The following CDH13 variants were observed in gnomAD, a reference collection of about 807,000 sequenced individuals.
CDH13 encodes the protein cadherin-13.
CDH13 carries 24 observed loss-of-function variants against 63.8 expected under a neutral mutation model. That is an observed-to-expected ratio of 0.38 (90% CI 0.27 to 0.53). CDH13 has a LOEUF of 0.53. CDH13 is among the 20% of genes least tolerant of loss of function. The probability of loss-of-function intolerance (pLI) is 0.85; values close to 1 mark genes in which losing one functional copy is unlikely to be tolerated. For missense variants in CDH13, 1,049 were observed against 903.1 expected (o/e 1.16, Z -2.07); for synonymous variants, 503 against 355.3 (o/e 1.42, Z -4.67).
At chr16:83,342,121 C>T (rs1434333526) in intron 5 of CDH13, among the ~76,000 whole-genome samples, 1 of 152,044 alleles carries the variant, frequency 6.6e-6, no homozygotes, top group Non-Finnish European at 1.5e-5. Context: ...GGCTACTGAG[C>T]ACTCAAAACG....
chr16:82,756,668 G>T (rs2034622394), intron 1 of CDH13, among the ~76,000 whole-genome samples: 1 of 152,122 alleles, frequency 6.6e-6, no homozygotes, highest in Non-Finnish European at 1.5e-5. Flanking sequence ...GCTACTATTA[G>T]CATTTCTCCT....
intron 4 of CDH13, among the ~76,000 whole-genome samples, chr16:83,150,895 G>T (rs1254662807): frequency 1.3e-5 from 2 of 152,110 alleles, no homozygotes; most frequent in African/African-American, 4.8e-5. Context: ...TGTCATTGTA[G>T]CACTTAGATG....
At chr16:83,500,145 G>A (rs1029646575) in intron 7 of CDH13, among the ~76,000 whole-genome samples, 2 of 151,520 alleles carry the variant, frequency 1.3e-5, no homozygotes, top group Non-Finnish European at 1.5e-5. Flanking sequence ...ATCAGTGGTC[G>A]TAAGGCAAGA....
chr16:82,729,275 G>T (rs117417812), intron 1 of CDH13, among the ~76,000 whole-genome samples: 1 of 152,064 alleles, frequency 6.6e-6, no homozygotes, highest in Non-Finnish European at 1.5e-5. Context: ...ACTTTGCCCC[G>T]ATCCATCAGA....
intron 1 of CDH13, among the ~76,000 whole-genome samples, chr16:82,804,312 C>CACATGCACACACACACACAT (rs58046063): frequency 2.0e-5 from 3 of 148,268 alleles, no homozygotes; most frequent in African/African-American, 5.0e-5. Context: ...CACACACACA[C>CACATGCACACACACACACAT]GCACACACAT....
At chr16:83,423,442 T>G (rs1248553857) in intron 6 of CDH13, among the ~76,000 whole-genome samples, 1 of 152,120 alleles carries the variant, frequency 6.6e-6, no homozygotes, top group African/African-American at 2.4e-5. Context: ...CAGGAATCCT[T>G]GATCTCGCAT....
intron 6 of CDH13, among the ~76,000 whole-genome samples, chr16:83,377,683 C>G (rs11149559): frequency 0.29 from 43,766 of 152,102 alleles, 7,030 homozygotes; most frequent in Admixed American, 0.4. Flanking sequence ...GCTTCCATTT[C>G]TTCTGCCTGA....
intron 1 of CDH13, among the ~76,000 whole-genome samples, chr16:82,776,090 A>G (rs939946684): frequency 6.6e-6 from 1 of 152,146 alleles, no homozygotes; most frequent in African/African-American, 2.4e-5. Context: ...CATGCCTATA[A>G]TCCCAGCTAC....
chr16:83,195,495 C>A (rs1351728135), intron 4 of CDH13, among the ~76,000 whole-genome samples: 2 of 151,990 alleles, frequency 1.3e-5, no homozygotes, highest in East Asian at 1.9e-4. Context: ...GGAGCAGGAC[C>A]AAGAGAGAGA....
intron 2 of CDH13, among the ~76,000 whole-genome samples, chr16:82,965,919 T>A (rs1293811286): frequency 6.6e-6 from 1 of 152,200 alleles, no homozygotes; most frequent in African/African-American, 2.4e-5. Context: ...TCTGGTAGCA[T>A]AGCTGCCCAG....
At chr16:83,321,337 T>C (rs1441970323) in intron 5 of CDH13, among the ~76,000 whole-genome samples, 4 of 152,164 alleles carry the variant, frequency 2.6e-5, no homozygotes. Flanking sequence ...AATTAATTAG[T>C]ATCACAGCAA....
chr16:82,832,244 T>TTTA (rs67235310), intron 1 of CDH13, among the ~76,000 whole-genome samples: 5 of 13,742 alleles, frequency 3.6e-4, no homozygotes, highest in African/African-American at 1.1e-3. Flanking sequence ...TAAACCACTG[T>TTTA]TTAATACTTT....
chr16:82,735,285 A>G (rs908909092), intron 1 of CDH13, among the ~76,000 whole-genome samples: 7 of 152,180 alleles, frequency 4.6e-5, no homozygotes, highest in African/African-American at 1.4e-4. Context: ...ACACTATTTA[A>G]TCACAAACGT....
chr16:83,100,206 C>G (rs1039595351), intron 3 of CDH13, among the ~76,000 whole-genome samples: 1 of 152,036 alleles, frequency 6.6e-6, no homozygotes, highest in African/African-American at 2.4e-5. Context: ...AAATCCCTGC[C>G]TCATGGATCT....
chr16:83,159,848 G>A (rs576440839), intron 4 of CDH13, among the ~76,000 whole-genome samples: 2 of 152,106 alleles, frequency 1.3e-5, no homozygotes, highest in African/African-American at 4.8e-5. Flanking sequence ...ACTGAGGCTA[G>A]TGGATCACTT....
chr16:83,123,468 G>A (rs753475733), intron 3 of CDH13, among the ~76,000 whole-genome samples: 3 of 151,830 alleles, frequency 2.0e-5, no homozygotes, highest in African/African-American at 4.8e-5. Flanking sequence ...TAGTAGAGAC[G>A]AGGTTTCTCC....
At chr16:83,294,645 T>C (rs1476230667) in intron 5 of CDH13, among the ~76,000 whole-genome samples, 1 of 151,922 alleles carries the variant, frequency 6.6e-6, no homozygotes, top group African/African-American at 2.4e-5. Flanking sequence ...ATTCATGTAT[T>C]GATGGACATT....
chr16:82,753,203 C>G (rs978597282), intron 1 of CDH13, among the ~76,000 whole-genome samples: 4 of 152,138 alleles, frequency 2.6e-5, no homozygotes, highest in Non-Finnish European at 5.9e-5. Context: ...GGAGACAGGT[C>G]GTGGTACAGA....
intron 1 of CDH13, among the ~76,000 whole-genome samples, chr16:82,631,370 C>T (rs1474703982): frequency 1.3e-5 from 2 of 152,220 alleles, no homozygotes; most frequent in African/African-American, 4.8e-5. Context: ...CCTTACATAA[C>T]CACCCAGAAG....
Sources: gnomAD v4.1 joint callset for allele counts (sites outside exome capture counted in the v4.1 genomes callset) on GRCh38, gnomAD v4.1.1 for gene constraint, MANE v1.5 for transcripts, NCBI Gene and HGNC (gene_info 2026-07-23, HGNC 2026-07-21) for gene names.